SLC25A13: variants seen among roughly 807,000 people sequenced by gnomAD.
The protein encoded by SLC25A13 is solute carrier family 25 member 13, also known as electrogenic aspartate/glutamate antiporter SLC25A13, mitochondrial.
Under a neutral mutation model 85.5 loss-of-function variants are expected in SLC25A13, and 70 were observed. The observed-to-expected ratio is 0.82, with a 90% confidence interval of 0.68 to 1.00. The LOEUF (loss-of-function observed/expected upper bound fraction) is 1.00. Among genes scored for constraint, SLC25A13 ranks in the 50% least tolerant of loss-of-function variants. The pLI, the probability that SLC25A13 is intolerant of heterozygous loss-of-function variation, is 0.00. For synonymous variants in SLC25A13, 259 were observed against 288.7 expected, an observed-to-expected ratio of 0.90 and a Z score of 1.04; for missense variants, 765 against 819.8, an observed-to-expected ratio of 0.93 and a Z score of 0.82.
intron 1 of SLC25A13, among the ~76,000 whole-genome samples, chr7:96,306,635 T>A (rs747814643): frequency 6.6e-6 from 1 of 152,226 alleles, no homozygotes; most frequent in African/African-American, 2.4e-5. Flanking sequence ...TGGAGACTGA[T>A]TGCCTTTTGA....
At position 96,184,994 on chromosome 7, in the gene SLC25A13, T is replaced by A. The variant is rs1358243294; in HGVS notation, c.951A>T (p.Ser317=). 1 of 1,613,992 alleles carries A rather than the reference T, an allele frequency of 6.2e-7. No homozygotes were observed. Among genetic ancestry groups the A allele is most frequent in the Non-Finnish European group, 8.5e-7 (1 of 1,179,976 alleles). The part of the protein sequence containing the change: ...EAQRQKASGD[S]ARPVLLQVAE... ...CAACTTGTAGAAGAACTGGTCGAGC[T>A]GAATCACCTGAGGCCTTCTGCTTTG... The change falls in exon 10 of 18, where the codon TCA becomes TCT. Residue 317 remains serine, a synonymous_variant. Transcript: ENST00000265631.
intron 5 of SLC25A13, among the ~76,000 whole-genome samples, chr7:96,201,204 T>C (rs1311564069): frequency 1.3e-5 from 2 of 152,086 alleles, no homozygotes; most frequent in East Asian, 3.9e-4. Context: ...ACTGGGTTCT[T>C]GGGCCACTAA....
At chr7:96,124,716 TA>T (rs1393221160) in intron 15 of SLC25A13, among the ~76,000 whole-genome samples, 6 of 152,364 alleles carry the variant, frequency 3.9e-5, no homozygotes, top group African/African-American at 1.4e-4. Context: ...TTGTTATTAC[TA>T]GGGGTACTGA....
intron 3 of SLC25A13, among the ~76,000 whole-genome samples, chr7:96,261,136 C>G (rs1797837129): frequency 6.6e-6 from 1 of 152,140 alleles, no homozygotes; most frequent in Non-Finnish European, 1.5e-5. Context: ...TAGGGTCTCC[C>G]ATGGCTTACT....
At chr7:96,284,227 TAC>T (rs1328909080) in intron 2 of SLC25A13, among the ~76,000 whole-genome samples, 4 of 152,106 alleles carry the variant, frequency 2.6e-5, no homozygotes, top group African/African-American at 9.7e-5. Flanking sequence ...ATTATATACA[TAC>T]AGAGAGACAC....
In SLC25A13 at chr7:96,121,715, C is replaced by G. The variant is rs373632138; in HGVS notation, c.1781G>C (p.Gly594Ala). Residue 594 changes from glycine to alanine, a missense_variant, in exon 17 of 18, where the codon GGT (glycine) becomes GCT (alanine). Coordinates refer to ENST00000265631, the MANE Select transcript of SLC25A13 (RefSeq NM_014251.3). ...CAATTCGTAAGTCAGCAAAGTTACA[C>G]CAAACTGGGGTGAGGATCGAAATAC... is the stretch of plus-strand genomic sequence containing the variant. Reference protein sequence around the residue: ...ARVFRSSPQFGVTLLTYELLQ... With the variant: ...ARVFRSSPQFAVTLLTYELLQ... The G allele has an allele frequency of 6.2e-7, 1 of 1,613,908 alleles. No homozygotes were observed. The highest frequency in any genetic ancestry group is 1.3e-5 in the African/African-American group (1 of 74,870).
At chr7:96,157,441 A>G (rs557724771) in intron 13 of SLC25A13, among the ~76,000 whole-genome samples, 2 of 152,310 alleles carry the variant, frequency 1.3e-5, no homozygotes, top group South Asian at 4.1e-4. Context: ...GCCATGTTAC[A>G]TAATGACTTC....
chr7:96,153,695 T>A (rs1021441854), intron 13 of SLC25A13, among the ~76,000 whole-genome samples: 4 of 152,258 alleles, frequency 2.6e-5, no homozygotes, highest in Admixed American at 2.6e-4. Context: ...TGAGGAACAT[T>A]TTATTGCCCA....
intron 11 of SLC25A13, among the ~76,000 whole-genome samples, chr7:96,176,495 G>T (rs1235352171): frequency 6.6e-6 from 1 of 152,194 alleles, no homozygotes; most frequent in Non-Finnish European, 1.5e-5. Flanking sequence ...CCAGAAGGCT[G>T]CTAATGCGAG....
intron 2 of SLC25A13, among the ~76,000 whole-genome samples, chr7:96,294,741 A>G (rs1032886701): frequency 1.3e-5 from 2 of 152,228 alleles, no homozygotes; most frequent in East Asian, 3.8e-4. Context: ...GTGGTGGCAC[A>G]TTCATAGCTC....
chr7:96,208,942 G>A lies in SLC25A13; in HGVS notation c.364C>T (p.His122Tyr). The change falls in exon 5 of 18, where the codon CAT becomes TAT. Residue 122 changes from histidine (H) to tyrosine (Y), a missense_variant. Transcript: ENST00000265631. ...TCCCAGTTAAATGGAATATGTTGAT[G>A]AATTGTGGTCTGTCCAAAAACTTGC... ...VKQVFGQTTI[H>Y]QHIPFNWDSE... The A allele has an allele frequency of 6.2e-7, 1 of 1,614,082 alleles. No individual in the cohort carries two copies. Among genetic ancestry groups the A allele is most frequent in the Non-Finnish European group, 8.5e-7 (1 of 1,179,994 alleles).
intron 1 of SLC25A13, among the ~76,000 whole-genome samples, chr7:96,300,539 TA>T (rs1264193459): frequency 2.0e-5 from 3 of 152,226 alleles, no homozygotes; most frequent in Non-Finnish European, 4.4e-5. Context: ...TTAAGAAATC[TA>T]AATGATGGGT....
intron 11 of SLC25A13, among the ~76,000 whole-genome samples, chr7:96,178,337 G>T (rs904708199): frequency 1.3e-5 from 2 of 152,114 alleles, no homozygotes; most frequent in Admixed American, 1.3e-4. Context: ...AAGAAACTTG[G>T]TAACTAAGGC....
At chr7:96,281,414 AAACT>A (rs1454117215) in intron 2 of SLC25A13, among the ~76,000 whole-genome samples, 2 of 151,994 alleles carry the variant, frequency 1.3e-5, no homozygotes. Flanking sequence ...AAAAAAGAAT[AAACT>A]AACTCCAACT....
chr7:96,232,573 C>T (rs1044550687), intron 4 of SLC25A13, among the ~76,000 whole-genome samples: 6 of 140,404 alleles, frequency 4.3e-5, no homozygotes, highest in East Asian at 2.1e-4. Flanking sequence ...TAAACCTGCA[C>T]ATGTACCCCT....
At chr7:96,269,409 C>T (rs531373203) in intron 3 of SLC25A13, among the ~76,000 whole-genome samples, 1 of 152,228 alleles carries the variant, frequency 6.6e-6, no homozygotes, top group African/African-American at 2.4e-5. Flanking sequence ...CTTTAGGAAG[C>T]AGCCATGCCC....
chr7:96,197,604 C>T (rs1265972061), intron 5 of SLC25A13, among the ~76,000 whole-genome samples: 1 of 152,120 alleles, frequency 6.6e-6, no homozygotes, highest in Non-Finnish European at 1.5e-5. Flanking sequence ...CTGGTTTGCA[C>T]CTCAAAAGCT....
intron 2 of SLC25A13, among the ~76,000 whole-genome samples, chr7:96,295,523 T>C (rs1799312424): frequency 6.6e-6 from 1 of 152,198 alleles, no homozygotes; most frequent in South Asian, 2.1e-4. Flanking sequence ...AACGGTAGTC[T>C]CATCTGTAAA....
At chr7:96,236,530 C>T (rs763843994) in intron 3 of SLC25A13, among the ~76,000 whole-genome samples, 3 of 152,232 alleles carry the variant, frequency 2.0e-5, no homozygotes, top group East Asian at 1.9e-4. Context: ...TGCTTCATGG[C>T]GGCATGGTAT....
Sources: allele counts gnomAD v4.1 joint callset (sites outside exome capture counted in the v4.1 genomes callset), GRCh38; gene constraint gnomAD v4.1.1; transcripts MANE v1.5; gene names NCBI Gene and HGNC (gene_info 2026-07-23, HGNC 2026-07-21).